The following CPEB2 variants were observed in gnomAD, a reference collection of about 807,000 sequenced individuals.
CPEB2 encodes cytoplasmic polyadenylation element-binding protein 2.
A neutral mutation model predicts 93.6 loss-of-function variants in CPEB2; 56 were observed. That is an observed-to-expected ratio of 0.60 (90% confidence interval 0.48 to 0.75). CPEB2 has a LOEUF of 0.75. CPEB2 is among the 30% of genes least tolerant of loss of function. The probability of loss-of-function intolerance (pLI) is 0.00; values close to 1 mark genes in which losing one functional copy is unlikely to be tolerated. For missense variants in CPEB2, 1,579 were observed against 1,395.1 expected, an observed-to-expected ratio of 1.13 and a Z score of -2.10; for synonymous variants, 764 against 586.3, an observed-to-expected ratio of 1.30 and a Z score of -4.38.
At chr4:15,054,484 T>G (rs1045488877) in intron 8 of CPEB2, among the ~76,000 whole-genome samples, 24 of 152,326 alleles carry the variant, frequency 1.6e-4, no homozygotes, top group South Asian at 6.2e-4. Context: ...AATATAAATT[T>G]ATGAACAGTT....
rs1036517234 is a variant in CPEB2 at position 15,004,434 on chromosome 4, G to C, written c.1662+99G>C. The C allele has an allele frequency of 6.7e-5, 59 of 881,892 alleles. No homozygotes were observed. In the African/African-American group the frequency reaches 9.7e-4, roughly 15 times the overall value. The allele number at this position is 881,892 out of a possible 1,614,324, so 54.6% of individuals were successfully genotyped here. On this transcript the variant is annotated intron_variant, in intron 1 of 11. Transcript: ENST00000538197. ...CAGCCGGGGACCCGACCTTAGCCCC[G>C]AGAGAAGCCGCGACGGGGGCCACTC... is the stretch of plus-strand genomic sequence containing the variant.
chr4:15,033,055 A>T lies in CPEB2; in HGVS notation c.2126-106A>T, dbSNP rs1726278633. On this transcript the variant is annotated intron_variant, in intron 4 of 11. Coordinates refer to ENST00000538197, the MANE Select transcript of CPEB2 (RefSeq NM_001177382.2). ...AGTTCTTAAGAAATATACTGTGCTCAATAATTTTCTCTTTATGCTGCCTTT... is the reference window on the plus strand; with the variant it reads ...AGTTCTTAAGAAATATACTGTGCTCTATAATTTTCTCTTTATGCTGCCTTT... 1.3e-5 allele frequency: 9 copies of T among 711,758 alleles called. No homozygotes were observed. In the East Asian group the frequency reaches 2.3e-4, roughly 18 times the overall value. 44.1% of individuals were successfully genotyped at this position (711,758 alleles called of 1,614,324 possible). A position where few individuals can be genotyped will look rare whatever the true frequency, so the allele number is the denominator to read the frequency against.
At chr4:15,036,194 A>G (rs985920116) in intron 5 of CPEB2, among the ~76,000 whole-genome samples, 2 of 152,206 alleles carry the variant, frequency 1.3e-5, no homozygotes, top group African/African-American at 2.4e-5. Flanking sequence ...GTGTAATACA[A>G]TAAATACCTG....
intron 6 of CPEB2, among the ~76,000 whole-genome samples, chr4:15,050,170 GCTGC>G (rs1204275387): frequency 6.6e-6 from 1 of 152,194 alleles, no homozygotes; most frequent in Admixed American, 6.5e-5. Flanking sequence ...AGTGAGCATT[GCTGC>G]CTGCCTGAGC....
rs1246828344 is a variant in CPEB2, at chr4:15,003,497, G to A, written c.824G>A (p.Arg275His). The A allele has an allele frequency of 2.1e-6, 3 of 1,404,626 alleles. No individual in the cohort carries two copies. Among genetic ancestry groups the A allele is most frequent in the African/African-American group, 1.5e-5 (1 of 66,034 alleles). The allele number at this position is 1,404,626 out of a possible 1,614,324, so 87.0% of individuals were successfully genotyped here. The change falls in exon 1 of 12, where the codon CGC becomes CAC. Residue 275 changes from arginine (R) to histidine (H), a missense_variant. This residue lies in a region of CPEB2 where 1,411 missense variants were observed against 1,056.0 expected (regional missense o/e 1.34). Transcript: ENST00000538197. ...PPSPPAAPRR[R>H]HGGAGSPRKT... ...TCGCCGCCTGCAGCCCCGCGGCGCC[G>A]CCACGGAGGCGCGGGCAGCCCTCGC...
At chr4:15,011,175 A>C (rs1469754422) in intron 3 of CPEB2, among the ~76,000 whole-genome samples, 1 of 139,520 alleles carries the variant, frequency 7.2e-6, no homozygotes, top group African/African-American at 2.7e-5. Context: ...ATCTCGTCTC[A>C]CTGCAACCTC....
rs1260472230 is a variant in CPEB2 at position 15,003,825 on chromosome 4, G to A, written c.1152G>A (p.Ser384=). ...PPLPGFGTPW[S]VQTASPPPQP... is the part of the protein sequence containing the mutation. ...TGCCCGGCTTCGGCACCCCCTGGTCGGTGCAGACCGCGTCGCCGCCACCCC... is the reference window on the plus strand; with the variant it reads ...TGCCCGGCTTCGGCACCCCCTGGTCAGTGCAGACCGCGTCGCCGCCACCCC... Residue 384 remains serine (S), a synonymous_variant, in exon 1 of 12, where the codon TCG becomes TCA. Coordinates refer to ENST00000538197, the MANE Select transcript of CPEB2 (RefSeq NM_001177382.2). 6 of 935,120 alleles carry A rather than the reference G, an allele frequency of 6.4e-6. No individual in the cohort carries two copies. In the Admixed American group the frequency reaches 1.5e-4, roughly 23 times the overall value. The allele number at this position is 935,120 out of a possible 1,614,324, so 57.9% of individuals were successfully genotyped here. A position where few individuals can be genotyped will look rare whatever the true frequency, so the allele number is the denominator to read the frequency against.
intron 8 of CPEB2, among the ~76,000 whole-genome samples, chr4:15,058,056 G>A (rs1728871719): frequency 6.6e-6 from 1 of 152,302 alleles, no homozygotes; most frequent in East Asian, 1.9e-4. Flanking sequence ...CCTTGGGGCT[G>A]ACCTCGGTTT....
intron 10 of CPEB2, among the ~76,000 whole-genome samples, chr4:15,059,824 T>A (rs1297990902): frequency 6.6e-6 from 1 of 152,138 alleles, no homozygotes; most frequent in East Asian, 1.9e-4. Flanking sequence ...TTTGCACTTG[T>A]TAGATGGTAC....
rs1577346147 is a variant in CPEB2, at chr4:15,003,426, G to A, written c.753G>A (p.Pro251=). The A allele has an allele frequency of 2.2e-6, 3 of 1,355,778 alleles. No individual in the cohort carries two copies. The highest frequency in any genetic ancestry group is 3.1e-5 in the East Asian group (1 of 32,136). 84.0% of individuals were successfully genotyped at this position (1,355,778 alleles called of 1,614,324 possible). The stretch of plus-strand genomic sequence containing the variant: ...ACCTCTCGCCGCAGGACTTCGCCCC[G>A]CGGCAGCGTCCGGCAGACCTGCCCC... The part of the protein sequence containing the change: ...QQHLSPQDFA[P]RQRPADLPPL... Residue 251 remains proline, a synonymous_variant, in exon 1 of 12, where the codon CCG becomes CCA. Coordinates refer to ENST00000538197, the MANE Select transcript of CPEB2 (RefSeq NM_001177382.2).
chr4:15,036,460 T>A (rs188021811), intron 5 of CPEB2, among the ~76,000 whole-genome samples: 2 of 152,286 alleles, frequency 1.3e-5, no homozygotes, highest in East Asian at 3.9e-4. Flanking sequence ...ACTTCTGAAA[T>A]TAGAATGAAA....
Position 15,004,069 on chromosome 4 carries a change from T to C in CPEB2, c.1396T>C (p.Ser466Pro). The change falls in exon 1 of 12, where the codon TCG becomes CCG. Residue 466 changes from serine to proline, a missense_variant. Coordinates refer to ENST00000538197, the MANE Select transcript of CPEB2 (RefSeq NM_001177382.2). ...SMNPAFFPSF[S>P]PVSPHGCTGL... is the part of the protein sequence containing the mutation. ...GAACCCGGCCTTCTTCCCTAGCTTC[T>C]CGCCCGTGTCGCCGCACGGCTGCAC... 1 of 1,564,798 alleles carries C rather than the reference T, an allele frequency of 6.4e-7. No homozygotes were observed. Among genetic ancestry groups the C allele is most frequent in the Non-Finnish European group, 8.6e-7 (1 of 1,158,846 alleles).
chr4:15,019,609 A>T (rs958211834), intron 4 of CPEB2, among the ~76,000 whole-genome samples: 15 of 151,090 alleles, frequency 9.9e-5, no homozygotes, highest in African/African-American at 2.7e-4. Context: ...CTGTTTAATT[A>T]AAAAAAAATG....
chr4:15,023,876 C>T (rs1725119846), intron 4 of CPEB2, among the ~76,000 whole-genome samples: 1 of 151,958 alleles, frequency 6.6e-6, no homozygotes, highest in Non-Finnish European at 1.5e-5. Context: ...ATTTCCCCTA[C>T]TCTGTCCTCC....
chr4:15,011,101 C>CTTTT lies in CPEB2; in HGVS notation c.2034+2690_2034+2693dup, dbSNP rs201436379. 2.4e-3 allele frequency among the ~76,000 whole-genome samples: 305 copies of CTTTT among 125,738 alleles called. 5 individuals are homozygous for CTTTT. The highest frequency in any genetic ancestry group is 8.1e-3 in the African/African-American group (276 of 34,022). 82.5% of individuals were successfully genotyped at this position (125,738 alleles called of 152,430 possible). ...ATACATATCTCTATGAATTTCTTTT[C>CTTTT]TTTTTTTTTTTTTTTTTTTGAGACA... is the stretch of plus-strand genomic sequence containing the variant. On this transcript the variant is annotated intron_variant, in intron 3 of 11. Transcript: ENST00000538197.
At chr4:15,054,056 G>A in intron 7 of CPEB2, 72 bp from the exon 8 acceptor site, 2 of 966,744 alleles carry the variant, frequency 2.1e-6, no homozygotes, top group Admixed American at 2.4e-5. Context: ...AATCTTCATA[G>A]TAACAGTACA....
intron 5 of CPEB2, among the ~76,000 whole-genome samples, chr4:15,037,721 A>G (rs558539257): frequency 6.6e-6 from 1 of 152,312 alleles, no homozygotes; most frequent in East Asian, 1.9e-4. Context: ...ACCTGTGCAT[A>G]TACACATCAA....
chr4:15,034,762 G>C (rs376073823), intron 5 of CPEB2, among the ~76,000 whole-genome samples: 23 of 152,294 alleles, frequency 1.5e-4, no homozygotes, highest in African/African-American at 4.6e-4. Context: ...GGTTAAAGAA[G>C]TCACAACATA....
intron 6 of CPEB2, among the ~76,000 whole-genome samples, chr4:15,046,042 G>A (rs1179618226): frequency 6.6e-6 from 1 of 152,176 alleles, no homozygotes; most frequent in Non-Finnish European, 1.5e-5. Context: ...TACTTGTTAT[G>A]AATAAACCTT....
Sources: allele counts gnomAD v4.1 joint callset (sites outside exome capture counted in the v4.1 genomes callset), GRCh38; gene constraint gnomAD v4.1.1; regional missense constraint gnomAD v4.1.1; transcripts MANE v1.5; gene names NCBI Gene and HGNC (gene_info 2026-07-23, HGNC 2026-07-21).